NCAM2: variants seen among roughly 807,000 people sequenced by gnomAD.
NCAM2 encodes the protein N-CAM-2.
A neutral mutation model predicts 98.1 loss-of-function variants in NCAM2; 30 were observed. That is an observed-to-expected ratio of 0.31 (90% CI 0.23 to 0.41). The LOEUF is 0.41. Ranked by LOEUF, NCAM2 falls within the 10% of genes least tolerant of loss-of-function variation. NCAM2 has a pLI of 1.00. For synonymous variants in NCAM2, 368 were observed against 342.4 expected (o/e 1.07, Z -0.83); for missense variants, 867 against 1,005.8 (o/e 0.86, Z 1.87).
intron 1 of NCAM2, among the ~76,000 whole-genome samples, chr21:21,181,992 A>G (rs1230770981): frequency 6.6e-6 from 1 of 151,294 alleles, no homozygotes; most frequent in African/African-American, 2.4e-5. Flanking sequence ...CAGGAGTTTG[A>G]GACCAGCCTG....
chr21:21,263,994 A>C (rs1203377723), intron 1 of NCAM2, among the ~76,000 whole-genome samples: 1 of 152,136 alleles, frequency 6.6e-6, no homozygotes, highest in East Asian at 1.9e-4. Flanking sequence ...AAATAGACAA[A>C]TGGGATTTAA....
chr21:21,296,794 A>G (rs777880160), intron 5 of NCAM2, among the ~76,000 whole-genome samples: 12 of 151,776 alleles, frequency 7.9e-5, no homozygotes, highest in Non-Finnish European at 1.8e-4. Context: ...CACAGAGGCA[A>G]GAGGAATCAA....
intron 8 of NCAM2, among the ~76,000 whole-genome samples, chr21:21,369,646 C>T (rs998868244): frequency 6.6e-6 from 1 of 151,804 alleles, no homozygotes; most frequent in Admixed American, 6.6e-5. Context: ...GTAGCCACTC[C>T]AATGAATGCT....
intron 15 of NCAM2, among the ~76,000 whole-genome samples, chr21:21,489,132 T>C (rs1202380615): frequency 2.0e-5 from 3 of 151,980 alleles, no homozygotes; most frequent in African/African-American, 4.8e-5. Context: ...CTGGGTGTGC[T>C]ACTAGGCGTG....
intron 15 of NCAM2, among the ~76,000 whole-genome samples, chr21:21,479,520 C>T (rs1346830521): frequency 7.2e-6 from 1 of 139,130 alleles, no homozygotes; most frequent in African/African-American, 2.7e-5. Flanking sequence ...GGAGGCGGAG[C>T]TTGCAGTGAG....
At chr21:21,125,851 A>T (rs1177362987) in intron 1 of NCAM2, among the ~76,000 whole-genome samples, 3 of 151,492 alleles carry the variant, frequency 2.0e-5, no homozygotes, top group Non-Finnish European at 2.9e-5. Flanking sequence ...AAACTGAATG[A>T]ACTTCATTTT....
chr21:21,133,952 C>T (rs2066988341), intron 1 of NCAM2, among the ~76,000 whole-genome samples: 1 of 151,918 alleles, frequency 6.6e-6, no homozygotes, highest in Non-Finnish European at 1.5e-5. Flanking sequence ...TATTCCAAAT[C>T]TTAATGGTGC....
intron 1 of NCAM2, among the ~76,000 whole-genome samples, chr21:21,024,721 C>T (rs1269122917): frequency 6.6e-6 from 1 of 151,730 alleles, no homozygotes; most frequent in African/African-American, 2.4e-5. Context: ...ACTAAAAATA[C>T]AGAAAAAGAA....
chr21:21,081,859 T>C (rs1358455521), intron 1 of NCAM2, among the ~76,000 whole-genome samples: 1 of 129,216 alleles, frequency 7.7e-6, no homozygotes, highest in Admixed American at 7.1e-5. Flanking sequence ...CTATCAGAGC[T>C]AAAAAACAAA....
chr21:21,199,672 G>A (rs1397810644), intron 1 of NCAM2, among the ~76,000 whole-genome samples: 1 of 152,138 alleles, frequency 6.6e-6, no homozygotes. Flanking sequence ...AATAAAGTAA[G>A]ATTAATATCT....
chr21:21,262,809 G>A (rs1446700326), intron 1 of NCAM2, among the ~76,000 whole-genome samples: 1 of 152,106 alleles, frequency 6.6e-6, no homozygotes, highest in African/African-American at 2.4e-5. Flanking sequence ...CCACGTGGCT[G>A]GGGAGGCCTC....
At chr21:21,191,802 TGAG>T (rs1265195024) in intron 1 of NCAM2, among the ~76,000 whole-genome samples, 1 of 152,166 alleles carries the variant, frequency 6.6e-6, no homozygotes, top group Non-Finnish European at 1.5e-5. Context: ...ACAAGAGAGA[TGAG>T]GTCACTGTCC....
chr21:21,436,871 C>A (rs191536337), intron 12 of NCAM2, among the ~76,000 whole-genome samples: 13 of 151,732 alleles, frequency 8.6e-5, no homozygotes, highest in African/African-American at 2.9e-4. Flanking sequence ...AAGCGATTCT[C>A]GTGCCTCAGC....
At chr21:21,445,419 T>G (rs1319760711) in intron 12 of NCAM2, among the ~76,000 whole-genome samples, 2 of 152,176 alleles carry the variant, frequency 1.3e-5, no homozygotes, top group Admixed American at 1.3e-4. Flanking sequence ...ATTTGTCTAA[T>G]ATTGTCATTG....
chr21:21,023,733 A>G (rs2064484210), intron 1 of NCAM2, among the ~76,000 whole-genome samples: 1 of 152,124 alleles, frequency 6.6e-6, no homozygotes, highest in South Asian at 2.1e-4. Context: ...TTACTCATAT[A>G]TGCATACATG....
intron 6 of NCAM2, among the ~76,000 whole-genome samples, chr21:21,333,148 C>T (rs2074762076): frequency 6.6e-6 from 1 of 151,488 alleles, no homozygotes; most frequent in Non-Finnish European, 1.5e-5. Flanking sequence ...AGCATTTCTA[C>T]CTGACTTTAT....
chr21:21,202,252 A>G (rs2069253408), intron 1 of NCAM2, among the ~76,000 whole-genome samples: 1 of 152,132 alleles, frequency 6.6e-6, no homozygotes, highest in Admixed American at 6.5e-5. Flanking sequence ...TAATAATTGT[A>G]CACATTTCTT....
chr21:21,029,113 A>G (rs537830860), intron 1 of NCAM2, among the ~76,000 whole-genome samples: 83 of 152,306 alleles, frequency 5.4e-4, no homozygotes, highest in African/African-American at 1.9e-3. Context: ...ATAAACAGAA[A>G]CCCACAATCT....
chr21:21,476,241 G>A (rs757837494), intron 14 of NCAM2, among the ~76,000 whole-genome samples: 2 of 152,072 alleles, frequency 1.3e-5, no homozygotes, highest in Admixed American at 6.6e-5. Context: ...GAGATTTGCA[G>A]TTGCAATGAT....
Sources: gnomAD v4.1 joint callset for allele counts (sites outside exome capture counted in the v4.1 genomes callset) on GRCh38, gnomAD v4.1.1 for gene constraint, MANE v1.5 for transcripts, NCBI Gene and HGNC (gene_info 2026-07-23, HGNC 2026-07-21) for gene names.